ZFPM2: variants seen among roughly 807,000 people sequenced by gnomAD.
ZFPM2 encodes zinc finger protein, FOG family member 2.
Under a neutral mutation model 98.6 loss-of-function variants are expected in ZFPM2, and 20 were observed. That is an observed-to-expected ratio of 0.20 (90% CI 0.14 to 0.29). ZFPM2 has a LOEUF of 0.29. ZFPM2 is among the 10% of genes least tolerant of loss of function. The pLI is 1.00. For synonymous variants in ZFPM2, 518 were observed against 502.7 expected, an observed-to-expected ratio of 1.03 and a Z score of -0.41; for missense variants, 1,310 against 1,388.6, an observed-to-expected ratio of 0.94 and a Z score of 0.90.
chr8:105,785,259 T>C (rs1287377652), intron 5 of ZFPM2: 2 of 152,184 alleles, frequency 1.3e-5, no homozygotes, highest in African/African-American at 4.8e-5. Flanking sequence ...CCCCAAACTT[T>C]ACATTTTCAA....
At chr8:105,538,889 C>A (rs1814518383) in intron 3 of ZFPM2, among the ~76,000 whole-genome samples, 2 of 152,012 alleles carry the variant, frequency 1.3e-5, no homozygotes, top group African/African-American at 4.8e-5. Context: ...CTAGTGAGCA[C>A]CTGTAGTCCC....
At chr8:105,651,578 C>T (rs2130869320) in intron 5 of ZFPM2, among the ~76,000 whole-genome samples, 1 of 152,074 alleles carries the variant, frequency 6.6e-6, no homozygotes, top group Non-Finnish European at 1.5e-5. Flanking sequence ...TAACAGGTAC[C>T]ATTAAATATT....
chr8:105,772,901 T>A (rs1472607241), intron 5 of ZFPM2, among the ~76,000 whole-genome samples: 1 of 152,102 alleles, frequency 6.6e-6, no homozygotes, highest in Admixed American at 6.6e-5. Context: ...GAAAGTTACA[T>A]CTTTATGCTT....
chr8:105,465,834 T>C (rs551027493), intron 3 of ZFPM2, among the ~76,000 whole-genome samples: 264 of 152,108 alleles, frequency 1.7e-3, no homozygotes, highest in African/African-American at 6.1e-3. Flanking sequence ...GACGAACTAT[T>C]GATCCAAATA....
chr8:105,646,830 T>A (rs1015641152), intron 5 of ZFPM2, among the ~76,000 whole-genome samples: 3 of 152,166 alleles, frequency 2.0e-5, no homozygotes, highest in Non-Finnish European at 4.4e-5. Context: ...AGATTGTAGA[T>A]GATCCCTTAT....
At chr8:105,644,652 A>G (rs1413766593) in intron 5 of ZFPM2, among the ~76,000 whole-genome samples, 3 of 152,164 alleles carry the variant, frequency 2.0e-5, no homozygotes, top group African/African-American at 7.2e-5. Flanking sequence ...GACTTAAACA[A>G]TAAATATTTA....
intron 1 of ZFPM2, among the ~76,000 whole-genome samples, chr8:105,366,154 C>T (rs1223366009): frequency 2.0e-5 from 3 of 152,112 alleles, no homozygotes; most frequent in Admixed American, 1.3e-4. Context: ...GACATATTGA[C>T]TTGTGAACAC....
At chr8:105,614,271 CAT>C (rs1816368356) in intron 4 of ZFPM2, among the ~76,000 whole-genome samples, 1 of 152,048 alleles carries the variant, frequency 6.6e-6, no homozygotes, top group South Asian at 2.1e-4. Flanking sequence ...ATGTTTGCTT[CAT>C]ATGTTTTCAG....
chr8:105,380,912 A>ACG (rs1358189710), intron 1 of ZFPM2, among the ~76,000 whole-genome samples: 8 of 106,792 alleles, frequency 7.5e-5, no homozygotes, highest in Non-Finnish European at 1.1e-4. Flanking sequence ...TATAATATAT[A>ACG]TGTTATATAT....
At chr8:105,533,216 C>G (rs1814334101) in intron 3 of ZFPM2, among the ~76,000 whole-genome samples, 1 of 152,090 alleles carries the variant, frequency 6.6e-6, no homozygotes, top group African/African-American at 2.4e-5. Context: ...ATTTCTCTTG[C>G]CTATCATATA....
chr8:105,757,258 C>T (rs1812623626), intron 5 of ZFPM2, among the ~76,000 whole-genome samples: 1 of 152,118 alleles, frequency 6.6e-6, no homozygotes, highest in Admixed American at 6.5e-5. Flanking sequence ...CAATCACTTA[C>T]TCTGATTGCA....
At chr8:105,650,951 C>A (rs1292143331) in intron 5 of ZFPM2, among the ~76,000 whole-genome samples, 1 of 152,116 alleles carries the variant, frequency 6.6e-6, no homozygotes, top group Non-Finnish European at 1.5e-5. Context: ...GCAAAGTTTT[C>A]TGACCTCATT....
chr8:105,388,412 A>G (rs1167214631), intron 1 of ZFPM2, among the ~76,000 whole-genome samples: 1 of 152,224 alleles, frequency 6.6e-6, no homozygotes, highest in African/African-American at 2.4e-5. Flanking sequence ...GATAATAAAA[A>G]TGACTTGCAG....
At chr8:105,741,530 T>C (rs1198387387) in intron 5 of ZFPM2, among the ~76,000 whole-genome samples, 2 of 152,040 alleles carry the variant, frequency 1.3e-5, no homozygotes, top group East Asian at 3.9e-4. Flanking sequence ...CGGAGCAAAG[T>C]TGGCACATCC....
At chr8:105,783,898 A>G (rs1813336233) in intron 5 of ZFPM2, among the ~76,000 whole-genome samples, 1 of 152,110 alleles carries the variant, frequency 6.6e-6, no homozygotes, top group South Asian at 2.1e-4. Context: ...TTTTGAATAT[A>G]TATCCAAAAG....
chr8:105,673,869 A>T (rs1260545623), intron 5 of ZFPM2, among the ~76,000 whole-genome samples: 1 of 152,182 alleles, frequency 6.6e-6, no homozygotes, highest in African/African-American at 2.4e-5. Context: ...AACTGGCTGG[A>T]TGAATTATGC....
At chr8:105,459,288 G>C (rs1461570774) in intron 3 of ZFPM2, among the ~76,000 whole-genome samples, 2 of 152,172 alleles carry the variant, frequency 1.3e-5, no homozygotes, top group Non-Finnish European at 2.9e-5. Context: ...AAGACAAATA[G>C]GAACCAGAAC....
chr8:105,507,358 A>T (rs1485302750), intron 3 of ZFPM2, among the ~76,000 whole-genome samples: 1 of 152,212 alleles, frequency 6.6e-6, no homozygotes, highest in African/African-American at 2.4e-5. Flanking sequence ...TTATTCAAAC[A>T]TGAAGAAATT....
At chr8:105,565,259 A>G (rs915702198) in intron 4 of ZFPM2, among the ~76,000 whole-genome samples, 3 of 152,142 alleles carry the variant, frequency 2.0e-5, no homozygotes, top group Non-Finnish European at 4.4e-5. Flanking sequence ...AAACACAGAA[A>G]CACCAAACAA....
Sources: gnomAD v4.1 joint callset for allele counts (sites outside exome capture counted in the v4.1 genomes callset) on GRCh38, gnomAD v4.1.1 for gene constraint, MANE v1.5 for transcripts, NCBI Gene and HGNC (gene_info 2026-07-23, HGNC 2026-07-21) for gene names.